The following ZC3H12B variants were observed in gnomAD, a reference collection of about 807,000 sequenced individuals.
The protein encoded by ZC3H12B is probable ribonuclease ZC3H12B.
ZC3H12B carries 7 observed loss-of-function variants against 43.9 expected under a neutral mutation model. The observed-to-expected ratio is 0.16, with a 90% confidence interval of 0.09 to 0.30. The LOEUF (loss-of-function observed/expected upper bound fraction) is 0.30, where lower values mean the gene tolerates loss of function less well. Ranked by LOEUF, ZC3H12B falls within the 10% of genes least tolerant of loss-of-function variation. The pLI is 1.00. For synonymous variants in ZC3H12B, 222 were observed against 241.7 expected, an observed-to-expected ratio of 0.92 and a Z score of 0.76; for missense variants, 475 against 670.2, an observed-to-expected ratio of 0.71 and a Z score of 3.22.
intron 3 of ZC3H12B, among the ~76,000 whole-genome samples, chrX:65,462,013 A>T (rs1399673003): frequency 8.2e-5 from 9 of 110,380 alleles, no homozygotes; most frequent in African/African-American, 2.9e-4. Flanking sequence ...AAAATATAAA[A>T]AGCTCTACCT....
At position 65,499,880 on chromosome X, in the gene ZC3H12B, C is replaced by T; in HGVS notation, c.984-3C>T. 8.3e-7 allele frequency: 1 copy of T among 1,206,723 alleles called. No individual in the cohort carries two copies. Among genetic ancestry groups the T allele is most frequent in the Non-Finnish European group, 1.1e-6 (1 of 891,387 alleles). On this transcript the variant is annotated splice_region_variant and splice_polypyrimidine_tract_variant and intron_variant, in intron 3 of 4. Coordinates refer to ENST00000338957, the Ensembl canonical transcript of ZC3H12B. ...CAGTCACCTCTTGCTTACTTGCTTTCAGATTTATGCCTCCAGATGATCCAT... is the reference window on the plus strand; with the variant it reads ...CAGTCACCTCTTGCTTACTTGCTTTTAGATTTATGCCTCCAGATGATCCAT...
At chrX:65,137,510 G>A in the ZC3H12B span, among the ~76,000 whole-genome samples, 1 of 111,824 alleles carries the variant, frequency 8.9e-6, no homozygotes, top group Non-Finnish European at 1.9e-5. Context: ...ATAACTCTCT[G>A]TTTAATGCAA....
chrX:65,150,709 T>C, the ZC3H12B span, among the ~76,000 whole-genome samples: 2 of 112,180 alleles, frequency 1.8e-5, no homozygotes, highest in African/African-American at 6.5e-5. Flanking sequence ...ATTTTAGTTT[T>C]GTAAAACCAC....
At chrX:65,261,339 A>G in the ZC3H12B span, among the ~76,000 whole-genome samples, 3 of 111,887 alleles carry the variant, frequency 2.7e-5, no homozygotes, top group Non-Finnish European at 5.7e-5. Context: ...ACCCTTTCAC[A>G]ACAATTTCAA....
At chrX:65,072,353 C>T in the ZC3H12B span, among the ~76,000 whole-genome samples, 2 of 112,266 alleles carry the variant, frequency 1.8e-5, no homozygotes, top group East Asian at 2.8e-4. Flanking sequence ...GTTTCTGTAA[C>T]ATTACAGTCC....
At chrX:65,188,599 GC>G in the ZC3H12B span, among the ~76,000 whole-genome samples, 4 of 110,225 alleles carry the variant, frequency 3.6e-5, no homozygotes, top group African/African-American at 1.3e-4. Flanking sequence ...ATGCCTGTTT[GC>G]CATTTGCATG....
chrX:65,462,937 T>C (rs1476990429), intron 3 of ZC3H12B, among the ~76,000 whole-genome samples: 2 of 112,314 alleles, frequency 1.8e-5, no homozygotes, highest in Non-Finnish European at 3.8e-5. Context: ...TACACAGCCG[T>C]AAAAATGAAT....
the ZC3H12B span, among the ~76,000 whole-genome samples, chrX:65,291,098 G>T: frequency 1.8e-5 from 2 of 110,750 alleles, no homozygotes; most frequent in Non-Finnish European, 3.8e-5. Context: ...AACAAAATGA[G>T]ATATCACTTC....
At chrX:65,125,487 A>C in the ZC3H12B span, among the ~76,000 whole-genome samples, 4 of 111,560 alleles carry the variant, frequency 3.6e-5, no homozygotes, top group East Asian at 1.1e-3. Flanking sequence ...TTATCTGTTA[A>C]GTCCATTTGT....
the ZC3H12B span, among the ~76,000 whole-genome samples, chrX:65,118,114 G>T: frequency 0.015 from 1,659 of 111,071 alleles, 41 homozygotes; most frequent in African/African-American, 0.052. Flanking sequence ...CATTGGTAGC[G>T]TGATGGGGAT....
the ZC3H12B span, among the ~76,000 whole-genome samples, chrX:65,228,758 A>C: frequency 8.9e-6 from 1 of 111,939 alleles, no homozygotes; most frequent in Non-Finnish European, 1.9e-5. Context: ...CAGAGAGAAA[A>C]ATCATAAGTG....
the ZC3H12B span, among the ~76,000 whole-genome samples, chrX:65,159,366 C>A: frequency 2.7e-5 from 3 of 111,474 alleles, no homozygotes; most frequent in African/African-American, 9.8e-5. Context: ...GGCAGTATGG[C>A]CGTTTTCATG....
chrX:65,097,624 T>C, the ZC3H12B span, among the ~76,000 whole-genome samples: 6 of 112,173 alleles, frequency 5.3e-5, no homozygotes, highest in African/African-American at 1.6e-4. Context: ...TCCTCATATA[T>C]CATAATGTAC....
chrX:65,047,676 T>C, the ZC3H12B span, among the ~76,000 whole-genome samples: 1 of 111,300 alleles, frequency 9.0e-6, no homozygotes, highest in Non-Finnish European at 1.9e-5. Flanking sequence ...CTGATATTAG[T>C]ATATGTACTG....
At chrX:65,278,859 C>A in the ZC3H12B span, among the ~76,000 whole-genome samples, 1 of 103,171 alleles carries the variant, frequency 9.7e-6, no homozygotes, top group Non-Finnish European at 2.0e-5. Flanking sequence ...TGTTCATAAG[C>A]GCTTATTTAG....
At chrX:65,457,041 G>A (rs1316487750) in intron 3 of ZC3H12B, among the ~76,000 whole-genome samples, 5 of 97,655 alleles carry the variant, frequency 5.1e-5, no homozygotes, top group Admixed American at 1.1e-4. Context: ...AGTGAGGAGC[G>A]TCTCTGCCCG....
chrX:65,400,627 G>A (rs777812609), intron 3 of ZC3H12B, among the ~76,000 whole-genome samples: 6 of 111,485 alleles, frequency 5.4e-5, no homozygotes, highest in Non-Finnish European at 9.4e-5. Flanking sequence ...AGGGGAAGGC[G>A]GGAAAGCAGT....
At chrX:65,156,911 A>T in the ZC3H12B span, among the ~76,000 whole-genome samples, 342 of 111,838 alleles carry the variant, frequency 3.1e-3, 2 homozygotes, top group South Asian at 0.024. Flanking sequence ...CTCAGTTAAT[A>T]TTCTTTGACA....
chrX:65,396,008 G>A (rs978081357), intron 2 of ZC3H12B, among the ~76,000 whole-genome samples: 40 of 111,852 alleles, frequency 3.6e-4, no homozygotes, highest in African/African-American at 1.3e-3. Flanking sequence ...ATGGTAGGTT[G>A]TATTTCTGTG....
Sources: allele counts gnomAD v4.1 joint callset (sites outside exome capture counted in the v4.1 genomes callset), GRCh38; gene constraint gnomAD v4.1.1; transcripts MANE v1.5; gene names NCBI Gene and HGNC (gene_info 2026-07-23, HGNC 2026-07-21).